FBN2: variants seen among roughly 807,000 people sequenced by gnomAD.
FBN2 encodes fibrillin 2, also known as fibrillin-2.
In FBN2, 105 loss-of-function variants were observed where a neutral mutation model predicts 355.6. That is an observed-to-expected ratio of 0.30 (90% confidence interval 0.25 to 0.35). The LOEUF (loss-of-function observed/expected upper bound fraction) is 0.35. Among genes scored for constraint, FBN2 ranks in the 10% least tolerant of loss-of-function variants. The pLI is 1.00. For synonymous variants in FBN2, 1,350 were observed against 1,301.2 expected (o/e 1.04, Z -0.81); for missense variants, 3,280 against 3,758.7 (o/e 0.87, Z 3.33).
At position 128,286,829 on chromosome 5, in the gene FBN2, C is replaced by A; in HGVS notation, c.6901G>T (p.Gly2301Trp). The change falls in exon 55 of 65, where the codon GGG (glycine) becomes TGG (tryptophan). Residue 2301 changes from glycine to tryptophan, a missense_variant. Physicochemically the swap from Gly to Trp is radical, Grantham distance 184. Around this residue, in one of 6 missense-constraint regions of FBN2, gnomAD observed 2,284 missense variants for 2,749.5 expected, o/e 0.83. Coordinates refer to ENST00000262464, the MANE Select transcript of FBN2 (RefSeq NM_001999.4). Reference sequence around the variant, plus strand: ...CCCCTAGATTCACAGTCGTGTAACCCTTCAGCACATTCATCCAGATCTAGA... The same window carrying A: ...CCCCTAGATTCACAGTCGTGTAACCATTCAGCACATTCATCCAGATCTAGA... ...MCKDLDECAE[G>W]LHDCESRGMM... 6.2e-7 allele frequency: 1 copy of A among 1,614,080 alleles called. No homozygotes were observed. The highest frequency in any genetic ancestry group is 2.2e-5 in the East Asian group (1 of 44,884).
intron 6 of FBN2, among the ~76,000 whole-genome samples, chr5:128,457,610 A>C (rs752421873): frequency 9.2e-5 from 14 of 152,238 alleles, no homozygotes; most frequent in Non-Finnish European, 2.1e-4. Context: ...ACCTCTCAGC[A>C]GAAACTCTAC....
At chr5:128,276,576 TC>T in intron 58 of FBN2, among the ~76,000 whole-genome samples, 1 of 152,200 alleles carries the variant, frequency 6.6e-6, no homozygotes, top group South Asian at 2.1e-4. Flanking sequence ...CCTTCCACTT[TC>T]CCCTTCAGAT....
At position 128,537,726 on chromosome 5, in the gene FBN2, G is replaced by A; in HGVS notation, c.-123C>T. 1 of 949,254 alleles carries A rather than the reference G, an allele frequency of 1.1e-6. No individual in the cohort carries two copies. Among genetic ancestry groups the A allele is most frequent in the Non-Finnish European group, 1.6e-6 (1 of 618,770 alleles). 58.8% of individuals were successfully genotyped at this position (949,254 alleles called of 1,614,324 possible). ...CTTCGTCGGCTCCGGGGACTCCCTC[G>A]GGCTCGGGCTCCCTGCTCTAGCTGG... On this transcript the variant is annotated 5_prime_UTR_variant, in exon 1 of 65. Coordinates refer to ENST00000262464, the MANE Select transcript of FBN2 (RefSeq NM_001999.4).
At chr5:128,478,777 A>G (rs1019805313) in intron 5 of FBN2, among the ~76,000 whole-genome samples, 14 of 152,226 alleles carry the variant, frequency 9.2e-5, no homozygotes, top group Non-Finnish European at 1.6e-4. Context: ...CAAATATATT[A>G]CAAGTTGAAA....
At chr5:128,522,006 T>A (rs979377305) in intron 4 of FBN2, among the ~76,000 whole-genome samples, 4 of 152,210 alleles carry the variant, frequency 2.6e-5, no homozygotes, top group Non-Finnish European at 1.5e-5. Flanking sequence ...GGGTTTCTTG[T>A]TATTTTTAAT....
intron 41 of FBN2, among the ~76,000 whole-genome samples, chr5:128,308,043 T>G (rs1460206381): frequency 6.6e-6 from 1 of 152,152 alleles, no homozygotes; most frequent in Middle Eastern, 3.2e-3. Flanking sequence ...ATAATTTATA[T>G]GTATAATCTC....
At chr5:128,367,201 A>AGATAGT (rs1751795079) in intron 16 of FBN2, among the ~76,000 whole-genome samples, 1 of 152,150 alleles carries the variant, frequency 6.6e-6, no homozygotes, top group Admixed American at 6.6e-5. Context: ...TTAAGGTTTT[A>AGATAGT]GATAGTTCTT....
At chr5:128,390,954 T>C (rs566212162) in intron 11 of FBN2, among the ~76,000 whole-genome samples, 2 of 152,340 alleles carry the variant, frequency 1.3e-5, no homozygotes, top group South Asian at 2.1e-4. Flanking sequence ...GATGGTGATA[T>C]TCTCAAATAT....
At chr5:128,293,336 A>G (rs1749386376) in intron 48 of FBN2, among the ~76,000 whole-genome samples, 1 of 152,176 alleles carries the variant, frequency 6.6e-6, no homozygotes, top group African/African-American at 2.4e-5. Context: ...TACTATAAGT[A>G]CAAAAATTAG....
chr5:128,409,048 A>T (rs1753003492), intron 7 of FBN2, among the ~76,000 whole-genome samples: 2 of 152,152 alleles, frequency 1.3e-5, no homozygotes, highest in South Asian at 4.1e-4. Context: ...CTTTTTTAAA[A>T]ATGCAATTTA....
intron 16 of FBN2, 49 bp downstream of exon 16, chr5:128,369,133 T>C: frequency 6.3e-7 from 1 of 1,586,842 alleles, no homozygotes; most frequent in South Asian, 1.1e-5. Context: ...ACATCTAAGG[T>C]TGTATTTCTT....
chr5:128,382,280 GTGTGCCCTTCCCTAACTTCAGGA>G (rs1752252084), intron 11 of FBN2, among the ~76,000 whole-genome samples: 1 of 152,008 alleles, frequency 6.6e-6, no homozygotes. Flanking sequence ...TCTCTTGAAA[GTGTGCCCTTCCCTAACTTCAGGA>G]ACATAATTCT....
In FBN2 at chr5:128,310,205, AT is replaced by A. The variant is rs1749995626; in HGVS notation, c.5075-98del. 4.8e-6 allele frequency: 5 copies of A among 1,039,208 alleles called. No individual in the cohort carries two copies. In the Admixed American group the frequency reaches 1.0e-4, roughly 21 times the overall value. 64.4% of individuals were successfully genotyped at this position (1,039,208 alleles called of 1,614,324 possible). On this transcript the variant is annotated intron_variant, in intron 39 of 64. Transcript: ENST00000262464. The stretch of plus-strand genomic sequence containing the variant: ...GAACAAAGCATAGGTGATTCTCTAA[AT>A]CCCCATTTATGCAAAACTTAGAAAT...
intron 31 of FBN2, among the ~76,000 whole-genome samples, chr5:128,333,831 T>C (rs1017185328): frequency 6.7e-5 from 9 of 134,592 alleles, no homozygotes; most frequent in African/African-American, 2.5e-4. Context: ...ATATTATAGA[T>C]GCTGAAATCA....
intron 36 of FBN2, among the ~76,000 whole-genome samples, chr5:128,313,488 G>A (rs765058700): frequency 5.9e-5 from 9 of 151,936 alleles, no homozygotes; most frequent in South Asian, 2.1e-4. Context: ...AAAATCTGCC[G>A]TCTTCTCTCC....
At chr5:128,469,628 A>G (rs1754803965) in intron 5 of FBN2, among the ~76,000 whole-genome samples, 1 of 152,200 alleles carries the variant, frequency 6.6e-6, no homozygotes, top group African/African-American at 2.4e-5. Context: ...ATGCTAGGAA[A>G]TCTTTTAGAA....
chr5:128,533,194 T>A (rs1409279452), intron 2 of FBN2, among the ~76,000 whole-genome samples: 2 of 152,226 alleles, frequency 1.3e-5, no homozygotes, highest in African/African-American at 2.4e-5. Flanking sequence ...ATGACAAATG[T>A]GCATTAAAAC....
intron 62 of FBN2, among the ~76,000 whole-genome samples, chr5:128,269,816 T>C (rs559951813): frequency 2.0e-5 from 3 of 152,146 alleles, no homozygotes; most frequent in Admixed American, 1.3e-4. Flanking sequence ...AAGTAATTTA[T>C]AGATTCAATG....
At position 128,303,076 on chromosome 5, in the gene FBN2, G is replaced by A. The variant is rs753556200; in HGVS notation, c.5814C>T (p.Cys1938=). ...DQTMCMDVDE[C]ERHPCGNGTC... ...TTCCATTTCCACATGGATGCCGCTC[G>A]CACTCATCAACATCTATAAAGAAAT... Residue 1938 remains cysteine (C), a synonymous_variant, in exon 46 of 65, where the codon TGC becomes TGT. Transcript: ENST00000262464. 2.5e-5 allele frequency: 40 copies of A among 1,602,690 alleles called. No homozygotes were observed. The highest frequency in any genetic ancestry group is 5.0e-5 in the Admixed American group (3 of 59,956).
Sources: allele counts gnomAD v4.1 joint callset (sites outside exome capture counted in the v4.1 genomes callset), GRCh38; gene constraint gnomAD v4.1.1; regional missense constraint gnomAD v4.1.1; transcripts MANE v1.5; gene names NCBI Gene and HGNC (gene_info 2026-07-23, HGNC 2026-07-21).